The following ITGBL1 variants were observed in gnomAD, a reference collection of about 807,000 sequenced individuals.
ITGBL1 encodes integrin beta-like protein 1.
In ITGBL1, 51 loss-of-function variants were observed where a neutral mutation model predicts 68.5. That is an observed-to-expected ratio of 0.74 (90% confidence interval 0.59 to 0.94). ITGBL1 has a LOEUF of 0.94. ITGBL1 is among the 40% of genes least tolerant of loss of function. The pLI is 0.00. For missense variants in ITGBL1, 649 were observed against 647.4 expected (o/e 1.00, Z -0.03); for synonymous variants, 209 against 227.3 (o/e 0.92, Z 0.72).
chr13:101,675,849 C>T (rs984995856), intron 7 of ITGBL1, among the ~76,000 whole-genome samples: 3 of 152,106 alleles, frequency 2.0e-5, no homozygotes, highest in African/African-American at 7.2e-5. Flanking sequence ...CTCCTTTCCC[C>T]AATTCTTTTT....
intron 7 of ITGBL1, among the ~76,000 whole-genome samples, chr13:101,680,936 C>A (rs2033625917): frequency 6.6e-6 from 1 of 152,202 alleles, no homozygotes; most frequent in Non-Finnish European, 1.5e-5. Context: ...CACATTAAGA[C>A]TCAACCCCAC....
chr13:101,505,770 G>C (rs1325707610), intron 2 of ITGBL1, among the ~76,000 whole-genome samples: 5 of 152,122 alleles, frequency 3.3e-5, no homozygotes, highest in African/African-American at 1.2e-4. Flanking sequence ...CTTCCTGCTT[G>C]CTAATACTCC....
rs1265361061 is a variant in ITGBL1 at position 101,575,448 on chromosome 13, AGT to A, written c.492_493del (p.Cys164Ter). On this transcript the variant is annotated frameshift_variant, in exon 4 of 11. Coordinates refer to ENST00000376180, the MANE Select transcript of ITGBL1 (RefSeq NM_004791.3). LOFTEE classifies it high-confidence loss of function. ...GGTACATGTCACTGTGGCAGGTGTA[AGT>A]GTGATAATTCAGATGGAAGTGGACT... 1.2e-6 allele frequency: 2 copies of A among 1,613,070 alleles called. No individual in the cohort carries two copies. The highest frequency in any genetic ancestry group is 2.7e-5 in the African/African-American group (2 of 74,944).
At chr13:101,693,176 G>A (rs1211052164) in intron 8 of ITGBL1, among the ~76,000 whole-genome samples, 1 of 152,184 alleles carries the variant, frequency 6.6e-6, no homozygotes, top group Non-Finnish European at 1.5e-5. Flanking sequence ...TCCAGAGAAT[G>A]AGTGAGGCAG....
chr13:101,714,495 A>C lies in ITGBL1; in HGVS notation c.1337A>C (p.Glu446Ala). Residue 446 changes from glutamate (E) to alanine (A), a missense_variant, in exon 10 of 11, where the codon GAG (glutamate) becomes GCG (alanine). Coordinates refer to ENST00000376180, the MANE Select transcript of ITGBL1 (RefSeq NM_004791.3). ...CSAEEWYISGEFCDCDDRDCD... is the reference protein window; with the variant it reads ...CSAEEWYISGAFCDCDDRDCD... ...GCTGAAGAGTGGTATATTTCTGGGG[A>C]GTTCTGTGACTGTGATGACAGAGAC... is the stretch of plus-strand genomic sequence containing the variant. 1 of 1,613,162 alleles carries C rather than the reference A, an allele frequency of 6.2e-7. No individual in the cohort carries two copies. The highest frequency in any genetic ancestry group is 8.5e-7 in the Non-Finnish European group (1 of 1,179,210).
chr13:101,457,916 CA>C (rs2048266987), intron 2 of ITGBL1, among the ~76,000 whole-genome samples: 1 of 152,186 alleles, frequency 6.6e-6, no homozygotes, highest in Non-Finnish European at 1.5e-5. Flanking sequence ...ACCCCATGAC[CA>C]GCTACAATGA....
chr13:101,506,002 A>G (rs1303739360), intron 2 of ITGBL1, among the ~76,000 whole-genome samples: 2 of 152,212 alleles, frequency 1.3e-5, no homozygotes, highest in Non-Finnish European at 2.9e-5. Flanking sequence ...ATGACAGTAC[A>G]GTAGTGACAT....
At chr13:101,628,847 G>A (rs577756461) in intron 7 of ITGBL1, among the ~76,000 whole-genome samples, 8 of 151,872 alleles carry the variant, frequency 5.3e-5, no homozygotes, top group East Asian at 1.9e-4. Flanking sequence ...AGAGTAAGAG[G>A]CAAAGTTGAC....
chr13:101,671,730 G>A (rs963986256), intron 7 of ITGBL1, among the ~76,000 whole-genome samples: 4 of 151,842 alleles, frequency 2.6e-5, no homozygotes, highest in African/African-American at 9.7e-5. Flanking sequence ...GAGCCACCGC[G>A]CCCGGCCAAA....
intron 7 of ITGBL1, among the ~76,000 whole-genome samples, chr13:101,658,442 A>G (rs1258148171): frequency 6.6e-6 from 1 of 151,926 alleles, no homozygotes; most frequent in Non-Finnish European, 1.5e-5. Flanking sequence ...GTGTTTTAAA[A>G]AAATTAAAGT....
At chr13:101,674,118 G>A (rs2033442610) in intron 7 of ITGBL1, among the ~76,000 whole-genome samples, 1 of 152,184 alleles carries the variant, frequency 6.6e-6, no homozygotes, top group Non-Finnish European at 1.5e-5. Flanking sequence ...ACAATTGCCT[G>A]ATAATAAGAC....
chr13:101,467,659 A>G (rs1335175865), intron 2 of ITGBL1, among the ~76,000 whole-genome samples: 1 of 152,230 alleles, frequency 6.6e-6, no homozygotes, highest in Non-Finnish European at 1.5e-5. Flanking sequence ...AGAGAAAAGA[A>G]AAATAAGACT....
At position 101,663,375 on chromosome 13, in the gene ITGBL1, T is replaced by C. The variant is rs560548190; in HGVS notation, c.1016-29210T>C. Among the ~76,000 whole-genome samples the C allele has an allele frequency of 2.6e-5, 4 of 152,298 alleles. No individual in the cohort carries two copies. In the East Asian group the frequency reaches 7.7e-4, roughly 29 times the overall value. ...GAGACACTTTAGAGATCGCTTGATC[T>C]AGTCTCTTTGTGCAGAAAACAAGGA... On this transcript the variant is annotated intron_variant, in intron 7 of 10. Transcript: ENST00000376180.
At chr13:101,662,075 T>C (rs1200768800) in intron 7 of ITGBL1, among the ~76,000 whole-genome samples, 3 of 152,204 alleles carry the variant, frequency 2.0e-5, no homozygotes, top group Admixed American at 2.0e-4. Flanking sequence ...TTAGGCATTC[T>C]TTGTTCTCTT....
downstream of ITGBL1, chr13:101,717,561 G>C (rs2034772135): frequency 6.6e-6 from 1 of 152,090 alleles, no homozygotes; most frequent in African/African-American, 2.4e-5. Context: ...TCTAGCCATC[G>C]TAATACAAAT....
chr13:101,495,711 A>T (rs1217730921), intron 2 of ITGBL1, among the ~76,000 whole-genome samples: 2 of 152,058 alleles, frequency 1.3e-5, no homozygotes. Context: ...TAGGGGAATT[A>T]GAAGAAGATT....
intron 7 of ITGBL1, among the ~76,000 whole-genome samples, chr13:101,671,979 T>C (rs1476745976): frequency 6.6e-6 from 1 of 152,218 alleles, no homozygotes; most frequent in Admixed American, 6.5e-5. Context: ...AGACAAAACC[T>C]GAAGCCTGCC....
At chr13:101,482,789 A>G (rs978642529) in intron 2 of ITGBL1, among the ~76,000 whole-genome samples, 18 of 152,140 alleles carry the variant, frequency 1.2e-4, no homozygotes, top group Non-Finnish European at 1.5e-4. Flanking sequence ...TGTGTAAGGA[A>G]AAAAATTGCA....
At chr13:101,593,162 T>A (rs2050684547) in intron 6 of ITGBL1, among the ~76,000 whole-genome samples, 1 of 152,000 alleles carries the variant, frequency 6.6e-6, no homozygotes, top group Non-Finnish European at 1.5e-5. Context: ...ATGATCAAGA[T>A]CACTAATTGT....
Sources: gnomAD v4.1 joint callset for allele counts (sites outside exome capture counted in the v4.1 genomes callset) on GRCh38, gnomAD v4.1.1 for gene constraint, MANE v1.5 for transcripts, NCBI Gene and HGNC (gene_info 2026-07-23, HGNC 2026-07-21) for gene names.